The following RASSF2 variants were observed in gnomAD, a reference collection of about 807,000 sequenced individuals.
RASSF2 encodes ras association domain-containing protein 2.
A neutral mutation model predicts 46.3 loss-of-function variants in RASSF2; 34 were observed. That is an observed-to-expected ratio of 0.73 (90% CI 0.56 to 0.98). The LOEUF (loss-of-function observed/expected upper bound fraction) is 0.98, where lower values mean the gene tolerates loss of function less well. Ranked by LOEUF, RASSF2 falls within the 50% of genes least tolerant of loss-of-function variation. RASSF2 has a pLI of 0.00. For synonymous variants in RASSF2, 158 were observed against 162.5 expected (o/e 0.97, Z 0.21); for missense variants, 364 against 431.2 (o/e 0.84, Z 1.38).
chr20:4,808,470 C>T (rs1927521154), intron 2 of RASSF2, among the ~76,000 whole-genome samples: 1 of 145,800 alleles, frequency 6.9e-6, no homozygotes, highest in South Asian at 2.2e-4. Flanking sequence ...AAAGAAAGGG[C>T]AAATTTTACA....
At chr20:4,817,093 G>T (rs1427147638) in intron 2 of RASSF2, among the ~76,000 whole-genome samples, 1 of 152,080 alleles carries the variant, frequency 6.6e-6, no homozygotes, top group African/African-American at 2.4e-5. Context: ...CAACAAGAGT[G>T]AAACTACATC....
chr20:4,790,675 A>C lies in RASSF2; in HGVS notation c.377-64T>G. ...CCTGGGACATGGCACATGGTCCCCA[A>C]TTTGTGGCCAGTGCGACAGCACCCA... On this transcript the variant is annotated intron_variant, in intron 6 of 11. Coordinates refer to ENST00000379400, the MANE Select transcript of RASSF2 (RefSeq NM_014737.3). This position sits in a 1 kb window ranked among gnomAD's most constrained non-coding sequence, Gnocchi z 4.3. The C allele has an allele frequency of 7.2e-7, 1 of 1,388,248 alleles. No homozygotes were observed. Among genetic ancestry groups the C allele is most frequent in the South Asian group, 1.5e-5 (1 of 66,302 alleles). The allele number at this position is 1,388,248 out of a possible 1,614,324, so 86.0% of individuals were successfully genotyped here.
rs145831009 is a variant in RASSF2 at position 4,790,536 on chromosome 20, C to T, written c.452G>A (p.Arg151His). 2.5e-4 allele frequency: 386 copies of T among 1,532,204 alleles called. 3 individuals carry two copies. In the African/African-American group the frequency reaches 3.1e-3, roughly 12 times the overall value. 94.9% of individuals were successfully genotyped at this position (1,532,204 alleles called of 1,614,324 possible). The stretch of plus-strand genomic sequence containing the variant: ...ACTAGGCGTCCTCACATTGCCACGG[C>T]GACGCACCCCAACATCACTGCGTGT... ...MRTRSDVGVR[R>H]RGNVRTPSDQ... Residue 151 changes from arginine (R) to histidine (H), a missense_variant, in exon 7 of 12, where the codon CGC becomes CAC. Coordinates refer to ENST00000379400, the MANE Select transcript of RASSF2 (RefSeq NM_014737.3). This position sits in a 1 kb window ranked among gnomAD's most constrained non-coding sequence, Gnocchi z 4.3.
chr20:4,788,797 C>T (rs1411761210), intron 8 of RASSF2, among the ~76,000 whole-genome samples: 6 of 152,218 alleles, frequency 3.9e-5, no homozygotes. Flanking sequence ...TAGCACACGA[C>T]TAGGATAGAT....
chr20:4,793,649 A>ATT (rs199991422), intron 5 of RASSF2, among the ~76,000 whole-genome samples: 1 of 147,468 alleles, frequency 6.8e-6, no homozygotes, highest in Non-Finnish European at 1.5e-5. Flanking sequence ...TTTTTTTTTT[A>ATT]TTTTATTTTT....
rs2122358715 is a variant in RASSF2 at position 4,781,589 on chromosome 20, G to C, written c.*2684C>G. On this transcript the variant is annotated 3_prime_UTR_variant, in exon 12 of 12. Transcript: ENST00000379400. ...TAAGTCATCACCTTCCCTCTCATGT[G>C]ATCACAGAGAATGTGACCTTGTGCT... is the stretch of plus-strand genomic sequence containing the variant. 1 of 152,274 alleles carries C rather than the reference G, an allele frequency of 6.6e-6. No homozygotes were observed. Among genetic ancestry groups the C allele is most frequent in the East Asian group, 1.9e-4 (1 of 5,180 alleles). The allele number at this position is 152,274 out of a possible 1,614,324, so 9.4% of individuals were successfully genotyped here. A position where few individuals can be genotyped will look rare whatever the true frequency, so the allele number is the denominator to read the frequency against.
At chr20:4,819,831 C>T (rs1401381173) in intron 2 of RASSF2, among the ~76,000 whole-genome samples, 2 of 152,206 alleles carry the variant, frequency 1.3e-5, no homozygotes, top group African/African-American at 4.8e-5. Flanking sequence ...TGCCAATTTT[C>T]ACCAATTGAA....
At chr20:4,810,765 G>C (rs1342624822) in intron 2 of RASSF2, among the ~76,000 whole-genome samples, 3 of 152,184 alleles carry the variant, frequency 2.0e-5, no homozygotes, top group East Asian at 1.9e-4. Flanking sequence ...GCTCCCAGTG[G>C]GGGTGAGGGA....
chr20:4,816,573 G>T (rs935395645), intron 2 of RASSF2, among the ~76,000 whole-genome samples: 1 of 152,128 alleles, frequency 6.6e-6, no homozygotes, highest in Non-Finnish European at 1.5e-5. Context: ...TGGAGTTAAT[G>T]CCACTAATTT....
chr20:4,784,933 T>C (rs1426242751), intron 11 of RASSF2, among the ~76,000 whole-genome samples: 4 of 151,632 alleles, frequency 2.6e-5, no homozygotes, highest in Non-Finnish European at 5.9e-5. Context: ...GCTGCAGGAG[T>C]GGGCACTGTT....
At chr20:4,796,852 T>G (rs574088263) in intron 4 of RASSF2, among the ~76,000 whole-genome samples, 11 of 152,232 alleles carry the variant, frequency 7.2e-5, no homozygotes, top group Non-Finnish European at 1.5e-4. Context: ...TGAAGGGCAG[T>G]TCCTAAAAGA....
intron 8 of RASSF2, 42 bp from the exon 9 acceptor site, chr20:4,788,310 A>C: frequency 6.5e-7 from 1 of 1,545,054 alleles, no homozygotes; most frequent in East Asian, 2.2e-5. Flanking sequence ...GTTTCTATTT[A>C]AACATCCCAA....
At chr20:4,805,070 G>A (rs1253533718) in intron 2 of RASSF2, among the ~76,000 whole-genome samples, 1 of 152,094 alleles carries the variant, frequency 6.6e-6, no homozygotes, top group Non-Finnish European at 1.5e-5. Context: ...GAGGAGTCTG[G>A]ACTTCATCTG....
intron 2 of RASSF2, among the ~76,000 whole-genome samples, chr20:4,808,452 G>T (rs1363830161): frequency 6.6e-6 from 1 of 151,562 alleles, no homozygotes; most frequent in Non-Finnish European, 1.5e-5. Flanking sequence ...GGGCAGAAAG[G>T]GGACAAGAAA....
intron 2 of RASSF2, among the ~76,000 whole-genome samples, chr20:4,816,463 G>GA (rs1470693116): frequency 6.6e-6 from 1 of 152,182 alleles, no homozygotes; most frequent in Non-Finnish European, 1.5e-5. Flanking sequence ...AAGGAGAAAG[G>GA]AGTGAGGGGG....
Position 4,787,811 on chromosome 20 carries a change from G to A in RASSF2, c.692-57C>T. 2.5e-6 allele frequency: 4 copies of A among 1,572,978 alleles called. No individual in the cohort carries two copies. The South Asian group carries it at 4.5e-5, about 18-fold the overall frequency. On this transcript the variant is annotated intron_variant, in intron 9 of 11. Coordinates refer to ENST00000379400, the MANE Select transcript of RASSF2 (RefSeq NM_014737.3). ...AGAGGCCTTTCTCACATTAAGTAGT[G>A]GTTAATGCAGGGGTCCAAAGGCACC...
intron 10 of RASSF2, among the ~76,000 whole-genome samples, chr20:4,786,571 C>T (rs1455245480): frequency 1.3e-5 from 2 of 152,152 alleles, no homozygotes; most frequent in South Asian, 2.1e-4. Flanking sequence ...GCATTCAATT[C>T]ATGATGAGGT....
In RASSF2 at chr20:4,795,004, G is replaced by A. The variant is rs548144895; in HGVS notation, c.287+811C>T. On this transcript the variant is annotated intron_variant, in intron 5 of 11. Coordinates refer to ENST00000379400, the MANE Select transcript of RASSF2 (RefSeq NM_014737.3). This position sits in a 1 kb window ranked among gnomAD's most constrained non-coding sequence, Gnocchi z 4.0. Reference sequence around the variant, plus strand: ...TAAACCAGAAAAAAAGGTCACTGTGGTTTTGGCTGAGAGGCGAGCACACTC... The same window carrying A: ...TAAACCAGAAAAAAAGGTCACTGTGATTTTGGCTGAGAGGCGAGCACACTC... Among the ~76,000 whole-genome samples the A allele has an allele frequency of 1.3e-5, 2 of 152,238 alleles. No homozygotes were observed. Among genetic ancestry groups the A allele is most frequent in the Non-Finnish European group, 2.9e-5 (2 of 68,040 alleles).
At chr20:4,787,255 C>T (rs1267534821) in intron 10 of RASSF2, among the ~76,000 whole-genome samples, 1 of 152,170 alleles carries the variant, frequency 6.6e-6, no homozygotes, top group Non-Finnish European at 1.5e-5. Context: ...AATATGCTTA[C>T]ATGATTTGGC....
Sources: gnomAD v4.1 joint callset for allele counts (sites outside exome capture counted in the v4.1 genomes callset) on GRCh38, gnomAD v4.1.1 for gene constraint, Gnocchi (gnomAD v3.1) non-coding constraint, MANE v1.5 for transcripts, NCBI Gene and HGNC (gene_info 2026-07-23, HGNC 2026-07-21) for gene names.